Variants in CRPPA observed in about 807,000 individuals in gnomAD.
The protein encoded by CRPPA is CDP-L-ribitol pyrophosphorylase A, also known as D-ribitol-5-phosphate cytidylyltransferase.
Under a neutral mutation model 52.0 loss-of-function variants are expected in CRPPA, and 43 were observed. That is an observed-to-expected ratio of 0.83 (90% CI 0.65 to 1.07). The LOEUF is 1.07. Ranked by LOEUF, CRPPA falls within the 50% of genes least tolerant of loss-of-function variation. CRPPA has a pLI of 0.00. For synonymous variants in CRPPA, 250 were observed against 203.5 expected (o/e 1.23, Z -1.94); for missense variants, 629 against 551.7 (o/e 1.14, Z -1.40).
At chr7:16,113,569 A>G (rs917405257) in intron 9 of CRPPA, among the ~76,000 whole-genome samples, 1 of 152,102 alleles carries the variant, frequency 6.6e-6, no homozygotes, top group Admixed American at 6.6e-5. Context: ...GAAGGAATAC[A>G]TCAAAACAGA....
intron 3 of CRPPA, among the ~76,000 whole-genome samples, chr7:16,372,939 G>C (rs1304531788): frequency 6.6e-6 from 1 of 152,188 alleles, no homozygotes; most frequent in Non-Finnish European, 1.5e-5. Context: ...GCTACTTTAA[G>C]ATTATAAGAT....
Position 16,416,586 on chromosome 7 carries a change from G to T in CRPPA, c.257+4480C>A, listed in dbSNP as rs1328749803. Among the ~76,000 whole-genome samples, 3 of 151,842 alleles carry T rather than the reference G, an allele frequency of 2.0e-5. No homozygotes were observed. In the South Asian group the frequency reaches 6.2e-4, roughly 32 times the overall value. ...GTGGTCACTCACACTTGTAATGCCA[G>T]CACTCTGGGAGGCCGACGCAGGTGG... On this transcript the variant is annotated intron_variant, in intron 1 of 9. Coordinates refer to ENST00000407010, the MANE Select transcript of CRPPA (RefSeq NM_001101426.4).
At chr7:16,153,035 T>C (rs1177910788) in intron 9 of CRPPA, among the ~76,000 whole-genome samples, 1 of 152,022 alleles carries the variant, frequency 6.6e-6, no homozygotes, top group Admixed American at 6.5e-5. Context: ...AAATGAATAT[T>C]TGGGATTTTC....
intron 3 of CRPPA, among the ~76,000 whole-genome samples, chr7:16,319,849 A>G (rs1785220029): frequency 6.6e-6 from 1 of 152,160 alleles, no homozygotes; most frequent in South Asian, 2.1e-4. Flanking sequence ...GTGGTCATAG[A>G]TTAGGAAAGG....
chr7:16,327,631 T>TA (rs2128428991), intron 3 of CRPPA, among the ~76,000 whole-genome samples: 1 of 119,170 alleles, frequency 8.4e-6, no homozygotes, highest in East Asian at 2.6e-4. Flanking sequence ...AAAAAAAGAG[T>TA]AAATCCAAGA....
At chr7:16,113,562 G>A (rs1405589) in intron 9 of CRPPA, among the ~76,000 whole-genome samples, 14,106 of 151,882 alleles carry the variant, frequency 0.093, 842 homozygotes, top group African/African-American at 0.15. Context: ...GCAACTAGAA[G>A]GAATACATCA....
intron 3 of CRPPA, among the ~76,000 whole-genome samples, chr7:16,347,225 A>G (rs537784990): frequency 1.6e-4 from 25 of 152,238 alleles, no homozygotes; most frequent in African/African-American, 5.8e-4. Flanking sequence ...AACAAGCAGG[A>G]AAACCAAAAA....
At chr7:16,296,498 CTAAG>C (rs1208880530) in intron 5 of CRPPA, among the ~76,000 whole-genome samples, 1 of 151,854 alleles carries the variant, frequency 6.6e-6, no homozygotes, top group African/African-American at 2.4e-5. Context: ...TGAAAACAAA[CTAAG>C]TAAACAACAA....
At chr7:16,112,264 G>A (rs543384716) in intron 9 of CRPPA, among the ~76,000 whole-genome samples, 24 of 152,126 alleles carry the variant, frequency 1.6e-4, no homozygotes, top group African/African-American at 5.1e-4. Context: ...GCAGTAAGCC[G>A]AGATTGTGCC....
intron 9 of CRPPA, among the ~76,000 whole-genome samples, chr7:16,193,298 G>A (rs1781655125): frequency 6.6e-6 from 1 of 151,946 alleles, no homozygotes; most frequent in Non-Finnish European, 1.5e-5. Flanking sequence ...GCTACTATAA[G>A]TGAGATTGTT....
intron 2 of CRPPA, among the ~76,000 whole-genome samples, chr7:16,388,762 G>C (rs559501919): frequency 6.6e-6 from 1 of 152,246 alleles, no homozygotes; most frequent in Non-Finnish European, 1.5e-5. Flanking sequence ...TGTAATCCCA[G>C]TTACTCGGGA....
chr7:16,116,580 T>C (rs1002775563), intron 9 of CRPPA, among the ~76,000 whole-genome samples: 1 of 148,256 alleles, frequency 6.7e-6, no homozygotes, highest in African/African-American at 2.5e-5. Context: ...CAGAATTGCT[T>C]GAACCCAGGA....
At chr7:16,342,990 A>G (rs977479037) in intron 3 of CRPPA, among the ~76,000 whole-genome samples, 11 of 151,436 alleles carry the variant, frequency 7.3e-5, no homozygotes, top group African/African-American at 2.4e-4. Flanking sequence ...CAGTAAGCCA[A>G]GATGATGCCA....
chr7:16,095,039 C>T (rs7797916), intron 9 of CRPPA, among the ~76,000 whole-genome samples: 5,529 of 152,160 alleles, frequency 0.036, 319 homozygotes, highest in African/African-American at 0.12. Context: ...GTAACGAACA[C>T]ATATTAATAA....
At chr7:16,414,350 A>AACACACACACACAC (rs3085030) in intron 1 of CRPPA, among the ~76,000 whole-genome samples, 10 of 138,658 alleles carry the variant, frequency 7.2e-5, no homozygotes, top group Non-Finnish European at 9.5e-5. Context: ...CCCCTACCCC[A>AACACACACACACAC]ACACACACAC....
intron 2 of CRPPA, among the ~76,000 whole-genome samples, chr7:16,390,768 A>G (rs978373457): frequency 6.6e-6 from 1 of 152,182 alleles, no homozygotes; most frequent in African/African-American, 2.4e-5. Context: ...AACTCCAATA[A>G]CATAATCTGA....
intron 8 of CRPPA, among the ~76,000 whole-genome samples, chr7:16,232,634 G>C (rs1457786301): frequency 6.6e-6 from 1 of 152,042 alleles, no homozygotes; most frequent in African/African-American, 2.4e-5. Flanking sequence ...TATAAAGAAG[G>C]GTCTTCCCTC....
intron 9 of CRPPA, among the ~76,000 whole-genome samples, chr7:16,139,457 G>A (rs1040874067): frequency 6.6e-6 from 1 of 151,042 alleles, no homozygotes; most frequent in African/African-American, 2.5e-5. Flanking sequence ...TGATATTACG[G>A]GGGGTAAAGG....
At chr7:16,140,134 G>A (rs1761290109) in intron 9 of CRPPA, among the ~76,000 whole-genome samples, 2 of 152,052 alleles carry the variant, frequency 1.3e-5, no homozygotes, top group Non-Finnish European at 2.9e-5. Flanking sequence ...AAATACTACT[G>A]GTTTCTAATT....
Sources: gnomAD v4.1 joint callset for allele counts (sites outside exome capture counted in the v4.1 genomes callset) on GRCh38, gnomAD v4.1.1 for gene constraint, MANE v1.5 for transcripts, NCBI Gene and HGNC (gene_info 2026-07-23, HGNC 2026-07-21) for gene names.